Variants in VTI1A observed in about 807,000 individuals in gnomAD.
The protein encoded by VTI1A is vesicle transport through interaction with t-SNAREs 1A, also known as vesicle transport through interaction with t-SNAREs homolog 1A.
VTI1A carries 22 observed loss-of-function variants against 34.9 expected under a neutral mutation model. The observed-to-expected ratio is 0.63, with a 90% confidence interval of 0.45 to 0.90. VTI1A has a LOEUF of 0.90. Among genes scored for constraint, VTI1A ranks in the 40% least tolerant of loss-of-function variants. VTI1A has a pLI of 0.00. For synonymous variants in VTI1A, 87 were observed against 97.3 expected (o/e 0.89, Z 0.62); for missense variants, 268 against 275.6 (o/e 0.97, Z 0.20).
At chr10:112,578,172 G>C (rs911812543) in intron 5 of VTI1A, among the ~76,000 whole-genome samples, 1 of 152,194 alleles carries the variant, frequency 6.6e-6, no homozygotes, top group Non-Finnish European at 1.5e-5. Flanking sequence ...AAGCATTTCA[G>C]ACAGTATGGC....
chr10:112,705,875 G>A lies in VTI1A; in HGVS notation c.560+36877G>A, dbSNP rs150817773. 3.8e-3 allele frequency among the ~76,000 whole-genome samples: 577 copies of A among 152,240 alleles called. 4 individuals are homozygous for A. The highest frequency in any genetic ancestry group is 0.013 in the African/African-American group (537 of 41,526). On this transcript the variant is annotated intron_variant, in intron 7 of 7. Transcript: ENST00000393077. ...AACAAACAAGACTTCATCTAGAGAAGCTAGTTCCGTGTTAATCTGGTCCTC... is the reference window on the plus strand; with the variant it reads ...AACAAACAAGACTTCATCTAGAGAAACTAGTTCCGTGTTAATCTGGTCCTC...
At chr10:112,543,315 T>C (rs558741925) in intron 5 of VTI1A, among the ~76,000 whole-genome samples, 41 of 152,318 alleles carry the variant, frequency 2.7e-4, no homozygotes, top group African/African-American at 9.4e-4. Flanking sequence ...GTGTTCCTAT[T>C]TCTCCACATC....
intron 7 of VTI1A, among the ~76,000 whole-genome samples, chr10:112,680,012 TA>T (rs1463337663): frequency 3.3e-5 from 5 of 152,206 alleles, no homozygotes; most frequent in African/African-American, 4.8e-5. Flanking sequence ...CAAAAGAGTC[TA>T]CAACCAACTC....
downstream of VTI1A, among the ~76,000 whole-genome samples, chr10:112,820,918 C>G (rs540224330): frequency 9.2e-5 from 14 of 152,164 alleles, no homozygotes; most frequent in South Asian, 2.7e-3. Context: ...GCAAGTAGGC[C>G]CCCTTGAGCT....
chr10:112,498,964 G>A (rs10885356), intron 3 of VTI1A, among the ~76,000 whole-genome samples: 23,266 of 152,038 alleles, frequency 0.15, 2,336 homozygotes, highest in East Asian at 0.42. Context: ...AACAGAAAGG[G>A]GGCGGGAGGG....
intron 7 of VTI1A, among the ~76,000 whole-genome samples, chr10:112,724,072 A>T (rs1277335170): frequency 6.6e-6 from 1 of 152,158 alleles, no homozygotes; most frequent in Non-Finnish European, 1.5e-5. Context: ...CAGACACTGC[A>T]TATCTTTGTA....
chr10:112,520,238 A>G (rs1484772498), intron 3 of VTI1A, among the ~76,000 whole-genome samples: 1 of 152,038 alleles, frequency 6.6e-6, no homozygotes, highest in South Asian at 2.1e-4. Flanking sequence ...TGGGCATTCT[A>G]TCATGAGCTG....
intron 5 of VTI1A, among the ~76,000 whole-genome samples, chr10:112,557,955 G>A (rs138020526): frequency 0.012 from 1,819 of 152,284 alleles, 20 homozygotes; most frequent in Middle Eastern, 0.031. Context: ...TAAGAACAAA[G>A]ATATTGTTCT....
chr10:112,736,420 G>A (rs1007706709), intron 7 of VTI1A, among the ~76,000 whole-genome samples: 7 of 152,018 alleles, frequency 4.6e-5, no homozygotes, highest in Non-Finnish European at 8.8e-5. Context: ...AATGGTGCCC[G>A]GCACGTAGTA....
intron 7 of VTI1A, among the ~76,000 whole-genome samples, chr10:112,764,109 C>A (rs1046587426): frequency 2.6e-5 from 4 of 152,180 alleles, no homozygotes; most frequent in African/African-American, 9.7e-5. Context: ...TGATGCCCGA[C>A]CTATAGCAAT....
chr10:112,679,325 G>T (rs6585169), intron 7 of VTI1A, among the ~76,000 whole-genome samples: 1 of 151,936 alleles, frequency 6.6e-6, no homozygotes, highest in African/African-American at 2.4e-5. Context: ...ATGGGGAAAA[G>T]AAAGCACTGT....
intron 5 of VTI1A, among the ~76,000 whole-genome samples, chr10:112,621,322 A>G (rs1199608789): frequency 6.6e-6 from 1 of 152,126 alleles, no homozygotes; most frequent in Non-Finnish European, 1.5e-5. Context: ...TTCCTTTTTT[A>G]CTTTTTATAC....
At chr10:112,690,602 A>G (rs113295246) in intron 7 of VTI1A, among the ~76,000 whole-genome samples, 9 of 152,358 alleles carry the variant, frequency 5.9e-5, no homozygotes, top group African/African-American at 1.7e-4. Flanking sequence ...AGCAGGGTCT[A>G]TGGAGATTCT....
At chr10:112,505,875 C>T (rs1422802088) in intron 3 of VTI1A, among the ~76,000 whole-genome samples, 1 of 152,002 alleles carries the variant, frequency 6.6e-6, no homozygotes, top group African/African-American at 2.4e-5. Flanking sequence ...TCTGTTCTAT[C>T]TTATTTATTA....
chr10:112,641,002 A>T (rs752645850), intron 5 of VTI1A, among the ~76,000 whole-genome samples: 2 of 152,168 alleles, frequency 1.3e-5, no homozygotes, highest in African/African-American at 2.4e-5. Context: ...GGCTGTTTTC[A>T]TATAACTTCA....
intron 4 of VTI1A, among the ~76,000 whole-genome samples, chr10:112,528,844 T>C (rs1234654682): frequency 6.6e-6 from 1 of 152,074 alleles, no homozygotes; most frequent in East Asian, 1.9e-4. Context: ...TCGTAATGGA[T>C]GTTGTAGTTC....
chr10:112,721,144 C>T (rs1849793081), intron 7 of VTI1A, among the ~76,000 whole-genome samples: 1 of 152,148 alleles, frequency 6.6e-6, no homozygotes, highest in South Asian at 2.1e-4. Flanking sequence ...TAGTGAGTGG[C>T]AGATTTTCTG....
chr10:112,610,265 G>C (rs1450351734), intron 5 of VTI1A, among the ~76,000 whole-genome samples: 16 of 151,780 alleles, frequency 1.1e-4, no homozygotes, highest in Non-Finnish European at 2.4e-4. Context: ...GGCCCCAGGA[G>C]TGTCTGTAAG....
chr10:112,699,487 T>C (rs1323402015), intron 7 of VTI1A, among the ~76,000 whole-genome samples: 3 of 152,250 alleles, frequency 2.0e-5, no homozygotes, highest in African/African-American at 7.2e-5. Flanking sequence ...ATTTAAACTA[T>C]GGTTTATAGT....
Sources: allele counts gnomAD v4.1 joint callset (sites outside exome capture counted in the v4.1 genomes callset), GRCh38; gene constraint gnomAD v4.1.1; transcripts MANE v1.5; gene names NCBI Gene and HGNC (gene_info 2026-07-23, HGNC 2026-07-21).